FARS2: variants seen among roughly 807,000 people sequenced by gnomAD.
FARS2 encodes the protein phenylalanine--tRNA ligase, mitochondrial.
In FARS2, 40 loss-of-function variants were observed where a neutral mutation model predicts 46.4. The observed-to-expected ratio is 0.86, with a 90% CI of 0.67 to 1.12. The LOEUF (loss-of-function observed/expected upper bound fraction) is 1.12, where lower values mean the gene tolerates loss of function less well. FARS2 is among the 50% of genes most tolerant of loss of function. The pLI, the probability that FARS2 is intolerant of heterozygous loss-of-function variation, is 0.00. For missense variants in FARS2, 513 were observed against 567.9 expected (o/e 0.90, Z 0.98); for synonymous variants, 234 against 214.9 (o/e 1.09, Z -0.78).
intron 1 of FARS2, among the ~76,000 whole-genome samples, chr6:5,364,017 A>C (rs1261872346): frequency 1.3e-5 from 2 of 152,158 alleles, no homozygotes; most frequent in African/African-American, 4.8e-5. Flanking sequence ...CTGAACTTCC[A>C]TTGTCCAAAT....
intron 5 of FARS2, among the ~76,000 whole-genome samples, chr6:5,603,772 C>T (rs746925053): frequency 2.0e-5 from 3 of 152,172 alleles, no homozygotes; most frequent in Non-Finnish European, 2.9e-5. Flanking sequence ...GTATTACCTC[C>T]GTAAAGATCC....
At chr6:5,304,736 A>T (rs1319904450) in intron 1 of FARS2, among the ~76,000 whole-genome samples, 3 of 152,242 alleles carry the variant, frequency 2.0e-5, no homozygotes, top group Non-Finnish European at 4.4e-5. Flanking sequence ...ATAGGAATGT[A>T]CTAGGTGTCT....
At position 5,369,014 on chromosome 6, in the gene FARS2, G is replaced by T. The variant is rs548957605; in HGVS notation, c.444G>T (p.Arg148=). Residue 148 remains arginine, a synonymous_variant, in exon 2 of 7, where the codon CGG becomes CGT. Transcript: ENST00000274680. ...RKKGDNYYLN[R]THMLRAHTSA... The stretch of plus-strand genomic sequence containing the variant: ...AGGGGGACAACTATTACCTGAATCG[G>T]ACTCACATGCTGAGAGCGCACACGT... 10 of 1,614,076 alleles carry T rather than the reference G, an allele frequency of 6.2e-6. No homozygotes were observed. In the African/African-American group the frequency reaches 1.1e-4, roughly 17 times the overall value.
intron 6 of FARS2, among the ~76,000 whole-genome samples, chr6:5,629,122 A>G (rs1467087495): frequency 5.3e-5 from 8 of 152,228 alleles, no homozygotes; most frequent in African/African-American, 1.9e-4. Flanking sequence ...GATGTCCCAT[A>G]AATGGGTTAA....
intron 1 of FARS2, among the ~76,000 whole-genome samples, chr6:5,341,925 G>A (rs1308753975): frequency 6.6e-6 from 1 of 152,208 alleles, no homozygotes; most frequent in Non-Finnish European, 1.5e-5. Context: ...TGAAAAAAAT[G>A]AGATAGGTAA....
intron 6 of FARS2, among the ~76,000 whole-genome samples, chr6:5,626,843 G>A (rs775120377): frequency 6.6e-6 from 1 of 152,144 alleles, no homozygotes; most frequent in Admixed American, 6.5e-5. Flanking sequence ...AAGTATTATG[G>A]AGTGTACTTA....
chr6:5,365,832 T>G (rs963634679), intron 1 of FARS2, among the ~76,000 whole-genome samples: 3 of 152,146 alleles, frequency 2.0e-5, no homozygotes, highest in African/African-American at 7.2e-5. Flanking sequence ...TGTATTACAA[T>G]AAACTAGAGA....
chr6:5,563,494 C>T (rs576573516), intron 5 of FARS2, among the ~76,000 whole-genome samples: 2 of 152,246 alleles, frequency 1.3e-5, no homozygotes, highest in East Asian at 3.9e-4. Context: ...ATGAAAACTT[C>T]CCAAGGACCC....
In FARS2 at chr6:5,404,651, T is replaced by A; in HGVS notation, c.722T>A (p.Phe241Tyr). The change falls in exon 3 of 7, where the codon TTT becomes TAT. Residue 241 changes from phenylalanine to tyrosine, a missense_variant. Physicochemically the swap from Phe to Tyr is conservative, Grantham distance 22. Coordinates refer to ENST00000274680, the MANE Select transcript of FARS2 (RefSeq NM_006567.5). ...ATGGAGGCCGTGAAGCTTGTAGAGT[T>A]TGATCTTAAGCAAACGCTTACCAGG... is the stretch of plus-strand genomic sequence containing the variant. ...HTMEAVKLVEFDLKQTLTRLM... is the reference protein window; with the variant it reads ...HTMEAVKLVEYDLKQTLTRLM... The A allele has an allele frequency of 6.2e-7, 1 of 1,611,278 alleles. No individual in the cohort carries two copies. The highest frequency in any genetic ancestry group is 8.5e-7 in the Non-Finnish European group (1 of 1,178,412).
chr6:5,755,175 A>G (rs905200541), intron 6 of FARS2, among the ~76,000 whole-genome samples: 14 of 152,052 alleles, frequency 9.2e-5, no homozygotes, highest in African/African-American at 3.4e-4. Context: ...TTTAAATTAT[A>G]TTTTTATTTC....
chr6:5,387,191 G>T (rs1760189325), intron 2 of FARS2, among the ~76,000 whole-genome samples: 1 of 152,172 alleles, frequency 6.6e-6, no homozygotes, highest in Non-Finnish European at 1.5e-5. Flanking sequence ...AAGAGCCTTT[G>T]GAGAGATTAC....
intron 6 of FARS2, among the ~76,000 whole-genome samples, chr6:5,642,035 C>T (rs1315433002): frequency 6.6e-6 from 1 of 152,168 alleles, no homozygotes; most frequent in Non-Finnish European, 1.5e-5. Flanking sequence ...AATGCTTGCA[C>T]AATTAGAATA....
intron 5 of FARS2, among the ~76,000 whole-genome samples, chr6:5,603,006 C>T (rs775482183): frequency 5.3e-5 from 8 of 152,104 alleles, no homozygotes; most frequent in Admixed American, 4.6e-4. Flanking sequence ...GGCATATTGG[C>T]CTCAGTCATG....
At chr6:5,767,626 T>A (rs1053979646) in intron 6 of FARS2, among the ~76,000 whole-genome samples, 3 of 152,222 alleles carry the variant, frequency 2.0e-5, no homozygotes, top group African/African-American at 7.2e-5. Flanking sequence ...TGAGCATAGG[T>A]AAGTTACTTA....
intron 6 of FARS2, among the ~76,000 whole-genome samples, chr6:5,746,480 C>T (rs890429056): frequency 2.7e-4 from 41 of 152,140 alleles, no homozygotes; most frequent in African/African-American, 9.9e-4. Flanking sequence ...CTCAGAGTCC[C>T]CGAGCCAAGC....
chr6:5,579,723 C>T (rs1192462151), intron 5 of FARS2, among the ~76,000 whole-genome samples: 7 of 152,160 alleles, frequency 4.6e-5, no homozygotes, highest in East Asian at 1.9e-4. Flanking sequence ...ACCAGCACTT[C>T]GTATCTTGTT....
intron 1 of FARS2, among the ~76,000 whole-genome samples, chr6:5,337,984 A>C (rs1771278772): frequency 6.6e-6 from 1 of 152,216 alleles, no homozygotes; most frequent in Non-Finnish European, 1.5e-5. Context: ...TTTTAGGGAA[A>C]ATCTATTAAA....
intron 3 of FARS2, among the ~76,000 whole-genome samples, chr6:5,422,647 C>T (rs1381998173): frequency 6.6e-6 from 1 of 152,148 alleles, no homozygotes; most frequent in Non-Finnish European, 1.5e-5. Context: ...ATGAGAGTAA[C>T]GATTGTTCAG....
chr6:5,335,147 GGT>G (rs1771067397), intron 1 of FARS2, among the ~76,000 whole-genome samples: 1 of 152,190 alleles, frequency 6.6e-6, no homozygotes, highest in South Asian at 2.1e-4. Context: ...ACTCTAGAAA[GGT>G]GTTGTCTGAA....
Sources: gnomAD v4.1 joint callset for allele counts (sites outside exome capture counted in the v4.1 genomes callset) on GRCh38, gnomAD v4.1.1 for gene constraint, MANE v1.5 for transcripts, NCBI Gene and HGNC (gene_info 2026-07-23, HGNC 2026-07-21) for gene names.